ZNF674: variants seen among roughly 807,000 people sequenced by gnomAD.
The protein encoded by ZNF674 is zinc finger protein 674, also known as zinc finger family member 674.
Under a neutral mutation model 7.0 loss-of-function variants are expected in ZNF674, and 2 were observed. The ratio of observed to expected loss-of-function variants is 0.29; its 90% CI spans 0.12 to 0.90. The LOEUF (loss-of-function observed/expected upper bound fraction) is 0.90. Ranked by LOEUF, ZNF674 falls within the 40% of genes least tolerant of loss-of-function variation. The pLI, the probability that ZNF674 is intolerant of heterozygous loss-of-function variation, is 0.57. For missense variants in ZNF674, 297 were observed against 415.5 expected (o/e 0.71, Z 2.48); for synonymous variants, 103 against 145.2 (o/e 0.71, Z 2.09).
intron 5 of ZNF674, among the ~76,000 whole-genome samples, chrX:46,525,611 TTC>T (rs1941997563): frequency 9.4e-6 from 1 of 106,299 alleles, no homozygotes; most frequent in African/African-American, 3.5e-5. Flanking sequence ...GCGAAACTCC[TTC>T]TCAAAAAAAA....
At chrX:46,524,814 A>T (rs1243719656) in intron 5 of ZNF674, among the ~76,000 whole-genome samples, 1 of 111,256 alleles carries the variant, frequency 9.0e-6, no homozygotes, top group Admixed American at 9.6e-5. Flanking sequence ...GTTCAAGACC[A>T]GTCTGGGCAA....
chrX:46,521,540 T>G (rs1368997826), intron 5 of ZNF674, among the ~76,000 whole-genome samples: 2 of 107,790 alleles, frequency 1.9e-5, no homozygotes, highest in Non-Finnish European at 3.8e-5. Flanking sequence ...CATGATTTCC[T>G]GGGCAACAAA....
chrX:46,508,494 T>C (rs1453666118), intron 5 of ZNF674, among the ~76,000 whole-genome samples: 1 of 112,120 alleles, frequency 8.9e-6, no homozygotes, highest in Non-Finnish European at 1.9e-5. Context: ...TTTCCAATTC[T>C]GTGAAGAAAG....
At chrX:46,541,942 G>T in intron 3 of ZNF674, 131 bp downstream of exon 3, 1 of 560,176 alleles carries the variant, frequency 1.8e-6, no homozygotes, top group Non-Finnish European at 3.0e-6. Flanking sequence ...AGAGAAACCA[G>T]AGGCTGAGGA....
chrX:46,502,707 G>T (rs1409224837), intron 5 of ZNF674, among the ~76,000 whole-genome samples: 2 of 111,986 alleles, frequency 1.8e-5, no homozygotes, highest in African/African-American at 6.5e-5. Flanking sequence ...GTTAGAGTGT[G>T]CTCTGTGTTC....
intron 5 of ZNF674, among the ~76,000 whole-genome samples, chrX:46,515,016 A>G (rs1602059480): frequency 8.9e-6 from 1 of 112,039 alleles, no homozygotes; most frequent in Non-Finnish European, 1.9e-5. Context: ...ATAAGGGAAT[A>G]TTAAGAACAA....
At chrX:46,537,560 T>C (rs751485679) in intron 3 of ZNF674, among the ~76,000 whole-genome samples, 1 of 111,917 alleles carries the variant, frequency 8.9e-6, no homozygotes, top group Non-Finnish European at 1.9e-5. Context: ...TGGCATCATA[T>C]TTTTTTCTTA....
At position 46,498,921 on chromosome X, in the gene ZNF674, A is replaced by G. The variant is rs1331461155; in HGVS notation, c.*922T>C. Reference sequence around the variant, plus strand: ...CTAAATAAATAAATAATCATACTCTACTCCACAGTGAACATATCTTAAATT... The same window carrying G: ...CTAAATAAATAAATAATCATACTCTGCTCCACAGTGAACATATCTTAAATT... On this transcript the variant is annotated 3_prime_UTR_variant, in exon 6 of 6. Coordinates refer to ENST00000683375, the MANE Select transcript of ZNF674 (RefSeq NM_001190417.2). 9.1e-6 allele frequency: 1 copy of G among 109,578 alleles called. No individual in the cohort carries two copies. Among genetic ancestry groups the G allele is most frequent in the Non-Finnish European group, 1.9e-5 (1 of 52,621 alleles). 9.0% of individuals were successfully genotyped at this position (109,578 alleles called of 1,213,427 possible). A position where few individuals can be genotyped will look rare whatever the true frequency, so the allele number is the denominator to read the frequency against.
At chrX:46,510,650 G>A (rs1028492595) in intron 5 of ZNF674, among the ~76,000 whole-genome samples, 20 of 111,775 alleles carry the variant, frequency 1.8e-4, no homozygotes, top group African/African-American at 6.2e-4. Context: ...AATTAGCCAG[G>A]CATGGTGGTG....
chrX:46,525,094 A>T (rs1203742846), intron 5 of ZNF674, among the ~76,000 whole-genome samples: 1 of 111,529 alleles, frequency 9.0e-6, no homozygotes, highest in East Asian at 2.8e-4. Flanking sequence ...CATTTGCAAC[A>T]TTCAGCATCA....
Position 46,528,852 on chromosome X carries a change from G to A in ZNF674, c.73C>T (p.Leu25=). The A allele has an allele frequency of 8.3e-7, 1 of 1,211,810 alleles. No homozygotes were observed. Among genetic ancestry groups the A allele is most frequent in the East Asian group, 3.0e-5 (1 of 33,842 alleles). ...TAGAGGTTCTTCTGGGCAGAGTCCA[G>A]TTGCTGCCACTCCTCCAGGGTGAAG... ...VDFTLEEWQQ[L]DSAQKNLYRD... is the part of the protein sequence containing the mutation. Residue 25 remains leucine, a synonymous_variant, in exon 4 of 6, where the codon CTG becomes TTG. Coordinates refer to ENST00000683375, the MANE Select transcript of ZNF674 (RefSeq NM_001190417.2).
chrX:46,527,736 G>C (rs1354804630), intron 5 of ZNF674: 1 of 111,640 alleles, frequency 9.0e-6, no homozygotes, highest in Admixed American at 9.6e-5. Context: ...GGAATACAAA[G>C]AGAAAATAGA....
intron 3 of ZNF674, among the ~76,000 whole-genome samples, chrX:46,532,762 C>T (rs1942131506): frequency 1.8e-5 from 2 of 112,146 alleles, no homozygotes; most frequent in Admixed American, 9.6e-5. Flanking sequence ...GGTGTCCAAT[C>T]TTTTGGCTTT....
At chrX:46,534,436 G>C (rs1186866389) in intron 3 of ZNF674, among the ~76,000 whole-genome samples, 4 of 111,274 alleles carry the variant, frequency 3.6e-5, no homozygotes, top group Non-Finnish European at 7.5e-5. Flanking sequence ...CAACCTCCCG[G>C]GCTCAAGCGA....
chrX:46,533,465 C>T (rs1455737219), intron 3 of ZNF674, among the ~76,000 whole-genome samples: 2 of 110,757 alleles, frequency 1.8e-5, no homozygotes, highest in South Asian at 7.6e-4. Context: ...TGGCTGGTTA[C>T]AGCAAAAATA....
intron 3 of ZNF674, among the ~76,000 whole-genome samples, chrX:46,533,853 T>TATATATATATATATATATACAC (rs1556020063): frequency 2.7e-5 from 2 of 73,831 alleles, no homozygotes; most frequent in African/African-American, 1.2e-4. Flanking sequence ...TATATATATA[T>TATATATATATATATATATACAC]ACACACACAC....
Position 46,499,737 on chromosome X carries a change from T to C in ZNF674, c.*106A>G. The C allele has an allele frequency of 4.9e-6, 3 of 613,913 alleles. No individual in the cohort carries two copies. Among genetic ancestry groups the C allele is most frequent in the African/African-American group, 2.2e-5 (1 of 44,552 alleles). 50.6% of individuals were successfully genotyped at this position (613,913 alleles called of 1,213,427 possible). ...AACATATGAAGAATTTCCAATATTC[T>C]GGACATTTATAAGATTACTCGCCAT... On this transcript the variant is annotated 3_prime_UTR_variant, in exon 6 of 6. Coordinates refer to ENST00000683375, the MANE Select transcript of ZNF674 (RefSeq NM_001190417.2).
intron 3 of ZNF674, among the ~76,000 whole-genome samples, chrX:46,530,122 A>G (rs764350490): frequency 1.8e-5 from 2 of 111,543 alleles, no homozygotes; most frequent in East Asian, 5.6e-4. Context: ...TCCAGATCCT[A>G]TCCTGTAACG....
At chrX:46,506,182 G>A (rs73198074) in intron 5 of ZNF674, among the ~76,000 whole-genome samples, 25,697 of 111,080 alleles carry the variant, frequency 0.23, 2,695 homozygotes, top group Middle Eastern at 0.37. Flanking sequence ...TATTCCCTAT[G>A]TTGATATGAT....
Sources: gnomAD v4.1 joint callset for allele counts (sites outside exome capture counted in the v4.1 genomes callset) on GRCh38, gnomAD v4.1.1 for gene constraint, MANE v1.5 for transcripts, NCBI Gene and HGNC (gene_info 2026-07-23, HGNC 2026-07-21) for gene names.